Variants in TTC3 observed in about 807,000 individuals in gnomAD.
TTC3 encodes the protein tetratricopeptide repeat domain 3, also known as E3 ubiquitin-protein ligase TTC3.
In TTC3, 180 loss-of-function variants were observed where a neutral mutation model predicts 249.6. The ratio of observed to expected loss-of-function variants is 0.72; its 90% CI spans 0.64 to 0.82. The LOEUF (loss-of-function observed/expected upper bound fraction) is 0.82, where lower values mean the gene tolerates loss of function less well. Among genes scored for constraint, TTC3 ranks in the 40% least tolerant of loss-of-function variants. TTC3 has a pLI of 0.00. For missense variants in TTC3, 2,061 were observed against 2,398.4 expected (o/e 0.86, Z 2.94); for synonymous variants, 717 against 805.0 (o/e 0.89, Z 1.85).
intron 3 of TTC3, 61 bp downstream of exon 3, chr21:37,087,936 A>G (rs2072726407): frequency 1.5e-6 from 2 of 1,298,048 alleles, no homozygotes; most frequent in Admixed American, 4.1e-5. Context: ...AGGTCCATCC[A>G]TCCTGTCATA....
intron 16 of TTC3, among the ~76,000 whole-genome samples, chr21:37,131,478 G>GC (rs1218933840): frequency 1.3e-5 from 2 of 152,118 alleles, no homozygotes; most frequent in Non-Finnish European, 2.9e-5. Flanking sequence ...AGCTCCTCGC[G>GC]CCCCCCAACC....
intron 11 of TTC3, among the ~76,000 whole-genome samples, chr21:37,113,577 G>A (rs2075864126): frequency 6.6e-6 from 1 of 152,156 alleles, no homozygotes; most frequent in Non-Finnish European, 1.5e-5. Flanking sequence ...TCATGGGTAG[G>A]AAGAATCAAT....
intron 20 of TTC3, among the ~76,000 whole-genome samples, chr21:37,142,119 T>G (rs1310395137): frequency 6.6e-6 from 1 of 152,088 alleles, no homozygotes; most frequent in African/African-American, 2.4e-5. Context: ...TAAAAGCTAT[T>G]TATGACAAAC....
chr21:37,078,291 C>G (rs1361321484), intron 1 of TTC3, among the ~76,000 whole-genome samples: 1 of 152,156 alleles, frequency 6.6e-6, no homozygotes, highest in African/African-American at 2.4e-5. Context: ...ACTTGAATCT[C>G]ACCTATTTTT....
intron 44 of TTC3, 38 bp downstream of exon 44, chr21:37,198,063 A>G: frequency 6.6e-7 from 1 of 1,524,954 alleles, no homozygotes; most frequent in Non-Finnish European, 8.8e-7. Context: ...TTAATGAAAA[A>G]CAAGAAGCAA....
In TTC3 at chr21:37,108,539, A is replaced by G. The variant is rs546744198; in HGVS notation, c.900+93A>G. ...GGGTGTGTTTGTTCATAAAAATGCT[A>G]TATGAAATTACGTAGAGCTCCAGAA... On this transcript the variant is annotated intron_variant, in intron 11 of 45. Coordinates refer to ENST00000355666, the Ensembl canonical transcript of TTC3. 206 of 1,229,110 alleles carry G rather than the reference A, an allele frequency of 1.7e-4. No homozygotes were observed. In the South Asian group the frequency reaches 2.1e-3, roughly 13 times the overall value. The allele number at this position is 1,229,110 out of a possible 1,614,324, so 76.1% of individuals were successfully genotyped here. A position where few individuals can be genotyped will look rare whatever the true frequency, so the allele number is the denominator to read the frequency against.
exon 33 of TTC3, chr21:37,165,679 T>C (rs776118530): frequency 6.2e-7 from 1 of 1,614,016 alleles, no homozygotes; most frequent in Admixed American, 1.7e-5. Context: ...TAAAACCTTT[T>C]CTCTTGGGAT....
chr21:37,121,466 A>G (rs1234513497), intron 11 of TTC3: 3 of 162,176 alleles, frequency 1.8e-5, no homozygotes, highest in African/African-American at 7.2e-5. Flanking sequence ...TAAAACATAA[A>G]GTTATTTATA....
exon 33 of TTC3, chr21:37,165,954 C>T (rs1176846563): frequency 3.1e-6 from 5 of 1,614,022 alleles, no homozygotes; most frequent in African/African-American, 1.3e-5. Flanking sequence ...TCTCCCAAGC[C>T]AGCTTGTGAA....
At chr21:37,088,697 G>T (rs1281004459) in intron 4 of TTC3, 102 bp from the exon 5 acceptor site, 1 of 1,074,596 alleles carries the variant, frequency 9.3e-7, no homozygotes, top group Non-Finnish European at 1.3e-6. Flanking sequence ...AAGAAAAAGA[G>T]AACTTATTTT....
At position 37,088,030 on chromosome 21, in the gene TTC3, A is replaced by T. The variant is rs914658471; in HGVS notation, c.187+155A>T. 15 of 953,776 alleles carry T rather than the reference A, an allele frequency of 1.6e-5. No individual in the cohort carries two copies. The Admixed American group carries it at 2.5e-4, about 16-fold the overall frequency. The allele number at this position is 953,776 out of a possible 1,614,324, so 59.1% of individuals were successfully genotyped here. A position where few individuals can be genotyped will look rare whatever the true frequency, so the allele number is the denominator to read the frequency against. The stretch of plus-strand genomic sequence containing the variant: ...AATCAGAACTTTTCTTTGTTAAAAT[A>T]GAGTTTTTGCCAGCACTTAAATATT... On this transcript the variant is annotated intron_variant, in intron 3 of 45. Coordinates refer to ENST00000355666, the Ensembl canonical transcript of TTC3.
chr21:37,162,499 A>G (rs181927684), intron 31 of TTC3, among the ~76,000 whole-genome samples: 3 of 152,232 alleles, frequency 2.0e-5, no homozygotes, highest in African/African-American at 4.8e-5. Context: ...GTGATTTTCA[A>G]TGCCATCTGG....
At chr21:37,191,335 G>A in exon 40 of TTC3, 1 of 1,574,186 alleles carries the variant, frequency 6.4e-7, no homozygotes, top group Non-Finnish European at 8.6e-7. Flanking sequence ...CTTTTTCAGT[G>A]ATCCTGCAGC....
intron 35 of TTC3, among the ~76,000 whole-genome samples, chr21:37,176,877 C>T (rs1371091356): frequency 9.9e-5 from 15 of 152,150 alleles, no homozygotes; most frequent in Admixed American, 8.5e-4. Flanking sequence ...GTCAGCTCCA[C>T]GGCCTAGTTC....
chr21:37,156,731 C>A, exon 28 of TTC3: 1 of 1,613,998 alleles, frequency 6.2e-7, no homozygotes, highest in East Asian at 2.2e-5. Flanking sequence ...TCATGACTTT[C>A]CTCTGGAATG....
rs1419155639 is a variant in TTC3 at position 37,140,992 on chromosome 21, CTGAT to C, written c.1772+322_1772+325del. On this transcript the variant is annotated intron_variant, in intron 20 of 45. Transcript: ENST00000355666. ...TGATATAAACTAATGTTTTTAAAAT[CTGAT>C]TGTTTAATTTTTTTGATTTAATTAT... is the stretch of plus-strand genomic sequence containing the variant. 3.9e-5 allele frequency among the ~76,000 whole-genome samples: 6 copies of C among 152,164 alleles called. No individual in the cohort carries two copies. In the East Asian group the frequency reaches 1.2e-3, roughly 29 times the overall value.
rs527437535 is a variant in TTC3, at chr21:37,119,848, T to C, written c.901-1969T>C. On this transcript the variant is annotated intron_variant, in intron 11 of 45. Coordinates refer to ENST00000355666, the Ensembl canonical transcript of TTC3. ...GAGGTTAGAGTGTAGGCGCTCTTGG[T>C]TTTATTTTTAAAAAGACTTTTACCA... 1.5e-3 allele frequency among the ~76,000 whole-genome samples: 224 copies of C among 152,086 alleles called. 2 individuals carry two copies. The highest frequency in any genetic ancestry group is 4.9e-3 in the African/African-American group (205 of 41,430).
intron 21 of TTC3, 116 bp downstream of exon 21, chr21:37,144,761 A>G (rs919315438): frequency 6.4e-6 from 8 of 1,242,852 alleles, no homozygotes; most frequent in African/African-American, 4.6e-5. Flanking sequence ...CCTTACACGC[A>G]TTTCCCCTCT....
chr21:37,150,388 C>A (rs1254765279), intron 24 of TTC3, among the ~76,000 whole-genome samples: 1 of 151,928 alleles, frequency 6.6e-6, no homozygotes, highest in East Asian at 1.9e-4. Context: ...GAAAAGGAGG[C>A]TTTTTATATC....
Sources: gnomAD v4.1 joint callset for allele counts (sites outside exome capture counted in the v4.1 genomes callset) on GRCh38, gnomAD v4.1.1 for gene constraint, MANE v1.5 for transcripts, NCBI Gene and HGNC (gene_info 2026-07-23, HGNC 2026-07-21) for gene names.